Variants in F7 observed in about 807,000 individuals in gnomAD.
F7 encodes the protein FVII coagulation protein.
A neutral mutation model predicts 47.5 loss-of-function variants in F7; 38 were observed. The observed-to-expected ratio is 0.80, with a 90% CI of 0.62 to 1.05. The LOEUF is 1.05. Ranked by LOEUF, F7 falls within the 50% of genes least tolerant of loss-of-function variation. The pLI, the probability that F7 is intolerant of heterozygous loss-of-function variation, is 0.00. For missense variants in F7, 575 were observed against 605.4 expected, an observed-to-expected ratio of 0.95 and a Z score of 0.53; for synonymous variants, 244 against 258.5, an observed-to-expected ratio of 0.94 and a Z score of 0.54.
Position 113,113,418 on chromosome 13 carries a change from G to A in F7, c.226-334G>A, listed in dbSNP as rs1025395578. 2.0e-5 allele frequency among the ~76,000 whole-genome samples: 3 copies of A among 152,242 alleles called. No homozygotes were observed. The highest frequency in any genetic ancestry group is 4.4e-5 in the Non-Finnish European group (3 of 68,042). The stretch of plus-strand genomic sequence containing the variant: ...CTGCTACTGCACCCTCTCCCCGTAT[G>A]TGTGGCCACCCTGTCAGAGGTGGAG... On this transcript the variant is annotated intron_variant, in intron 2 of 7. Transcript: ENST00000346342. This position sits in a 1 kb window ranked among gnomAD's most constrained non-coding sequence, Gnocchi z 4.1.
intron 4 of F7, among the ~76,000 whole-genome samples, chr13:113,114,291 T>G (rs1273888854): frequency 6.6e-6 from 1 of 151,672 alleles, no homozygotes; most frequent in Non-Finnish European, 1.5e-5. Context: ...CTTGGTAAAC[T>G]TCCCCTTCTC....
Position 113,105,810 on chromosome 13 carries a change from A to G in F7, c.-32A>G, listed in dbSNP as rs761212787. ...CCCGTCAGTCCCATGGGGAATGTCAACAGGCAGGGGCAGCACTGCAGAGAT... is the reference window on the plus strand; with the variant it reads ...CCCGTCAGTCCCATGGGGAATGTCAGCAGGCAGGGGCAGCACTGCAGAGAT... On this transcript the variant is annotated 5_prime_UTR_variant, in exon 1 of 8. Transcript: ENST00000346342. The G allele has an allele frequency of 6.4e-7, 1 of 1,571,074 alleles. No homozygotes were observed. Among genetic ancestry groups the G allele is most frequent in the Admixed American group, 1.9e-5 (1 of 53,128 alleles).
rs1327372453 is a variant in F7 at position 113,115,809 on chromosome 13, G to A, written c.505+9G>A. On this transcript the variant is annotated intron_variant, in intron 5 of 7. Transcript: ENST00000346342. ...GTCCTGCACACCCACAGGTGACCAG[G>A]CTTCATGTCCCAGTCCCAGATGACA... 1.9e-6 allele frequency: 3 copies of A among 1,613,132 alleles called. No individual in the cohort carries two copies. The highest frequency in any genetic ancestry group is 2.2e-5 in the East Asian group (1 of 44,882).
chr13:113,109,988 C>T (rs957703052), intron 1 of F7, among the ~76,000 whole-genome samples: 11 of 152,206 alleles, frequency 7.2e-5, no homozygotes, highest in African/African-American at 2.2e-4. Context: ...CACAAGTAAC[C>T]GTCGGGGTTA....
At chr13:113,114,876 A>C (rs1441089899) in intron 4 of F7, 2 of 152,906 alleles carry the variant, frequency 1.3e-5, no homozygotes, top group Non-Finnish European at 2.9e-5. Flanking sequence ...TCTCTGGCAC[A>C]GCAGTTCATC....
rs779442604 is a variant in F7, at chr13:113,118,645, G to A, written c.972G>A (p.Gln324=). ...VRFSLVSGWG[Q]LLDRGATALE... is the part of the protein sequence containing the mutation. ...TCTCATTGGTCAGCGGCTGGGGCCAGCTGCTGGACCGTGGCGCCACGGCCC... is the reference window on the plus strand; with the variant it reads ...TCTCATTGGTCAGCGGCTGGGGCCAACTGCTGGACCGTGGCGCCACGGCCC... Residue 324 remains glutamine (Q), a synonymous_variant, in exon 8 of 8, where the codon CAG becomes CAA. Coordinates refer to ENST00000346342, the MANE Select transcript of F7 (RefSeq NM_019616.4). 6.2e-7 allele frequency: 1 copy of A among 1,612,970 alleles called. No individual in the cohort carries two copies. Among genetic ancestry groups the A allele is most frequent in the South Asian group, 1.1e-5 (1 of 91,078 alleles).
At chr13:113,111,403 ACACTCACAGGACACCTCACACT>A (rs1566907070) in intron 2 of F7, among the ~76,000 whole-genome samples, 3 of 101,852 alleles carry the variant, frequency 2.9e-5, no homozygotes, top group African/African-American at 1.8e-4. Flanking sequence ...AGGTCACCTC[ACACTCACAGGACACCTCACACT>A]CACAGGGCAC....
chr13:113,112,386 C>A (rs1246235933), intron 2 of F7, among the ~76,000 whole-genome samples: 1 of 149,476 alleles, frequency 6.7e-6, no homozygotes, highest in Non-Finnish European at 1.5e-5. Flanking sequence ...ACACAGGGCA[C>A]ACTTCACTCC....
chr13:113,117,443 G>T, intron 6 of F7, 30 bp from the exon 7 acceptor site: 1 of 1,611,852 alleles, frequency 6.2e-7, no homozygotes, highest in South Asian at 1.1e-5. Context: ...ACAGCAATGT[G>T]ACTTCCACAC....
chr13:113,112,090 A>T (rs1398160929), intron 2 of F7, among the ~76,000 whole-genome samples: 2 of 139,838 alleles, frequency 1.4e-5, no homozygotes, highest in African/African-American at 5.5e-5. Context: ...GTCACCTCAC[A>T]CTCACAGGAC....
Position 113,119,327 on chromosome 13 carries a change from C to A in F7, c.*319C>A. On this transcript the variant is annotated 3_prime_UTR_variant, in exon 8 of 8. Transcript: ENST00000346342. ...AGGGGCAGGGGAGTGCCAAGGTTGTCCTGGAGGCAGACAGCCCAGCTGAGC... is the reference window on the plus strand; with the variant it reads ...AGGGGCAGGGGAGTGCCAAGGTTGTACTGGAGGCAGACAGCCCAGCTGAGC... 1 of 385,842 alleles carries A rather than the reference C, an allele frequency of 2.6e-6. No individual in the cohort carries two copies. The highest frequency in any genetic ancestry group is 4.7e-6 in the Non-Finnish European group (1 of 211,338). 23.9% of individuals were successfully genotyped at this position (385,842 alleles called of 1,614,324 possible).
rs1344416538 is a variant in F7 at position 113,120,282 on chromosome 13, G to A, written c.*1274G>A. 6.6e-6 allele frequency: 1 copy of A among 152,268 alleles called. No individual in the cohort carries two copies. Among genetic ancestry groups the A allele is most frequent in the African/African-American group, 2.4e-5 (1 of 41,450 alleles). The allele number at this position is 152,268 out of a possible 1,614,324, so 9.4% of individuals were successfully genotyped here. On this transcript the variant is annotated 3_prime_UTR_variant, in exon 8 of 8. Coordinates refer to ENST00000346342, the MANE Select transcript of F7 (RefSeq NM_019616.4). ...TGGGAGCACCTGCTCAAGAGTCAGG[G>A]ACACACGCATCACTAAATGCAAGTT...
chr13:113,110,939 G>A (rs1201128118), intron 2 of F7, 89 bp downstream of exon 2: 3 of 1,411,084 alleles, frequency 2.1e-6, no homozygotes, highest in African/African-American at 3.0e-5. Flanking sequence ...CTCTTTGGCT[G>A]CGGCTGTGGG....
intron 4 of F7, among the ~76,000 whole-genome samples, chr13:113,114,239 C>G (rs1214453358): frequency 6.6e-6 from 1 of 152,200 alleles, no homozygotes; most frequent in Non-Finnish European, 1.5e-5. Context: ...CTGAGAGTCC[C>G]TGTGTCCCTG....
chr13:113,110,710 G>A lies in F7; in HGVS notation c.85G>A (p.Ala29Thr). 1 of 1,548,658 alleles carries A rather than the reference G, an allele frequency of 6.5e-7. No individual in the cohort carries two copies. Among genetic ancestry groups the A allele is most frequent in the Non-Finnish European group, 8.7e-7 (1 of 1,146,508 alleles). The change falls in exon 2 of 8, where the codon GCC becomes ACC. Residue 29 changes from alanine to threonine, a missense_variant. Physicochemically the swap from Ala to Thr is moderately conservative, Grantham distance 58. Transcript: ENST00000346342. ...CCCAGTCTTCGTAACCCAGGAGGAAGCCCACGGCGTCCTGCACCGGCGCCG... is the reference window on the plus strand; with the variant it reads ...CCCAGTCTTCGTAACCCAGGAGGAAACCCACGGCGTCCTGCACCGGCGCCG... ...LAAVFVTQEE[A>T]HGVLHRRRRA... is the part of the protein sequence containing the mutation.
At position 113,116,679 on chromosome 13, in the gene F7, TCA is replaced by T. The variant is rs1399503165; in HGVS notation, c.506-86_506-85del. On this transcript the variant is annotated intron_variant, in intron 5 of 7. Coordinates refer to ENST00000346342, the MANE Select transcript of F7 (RefSeq NM_019616.4). ...CCCATAGCCTCGGCCTCAAGGCCTC[TCA>T]GAGGATGGGTGTTTCTGAATCTTTC... 3 of 1,123,192 alleles carry T rather than the reference TCA, an allele frequency of 2.7e-6. No homozygotes were observed. The East Asian group carries it at 7.1e-5, about 27-fold the overall frequency. The allele number at this position is 1,123,192 out of a possible 1,614,324, so 69.6% of individuals were successfully genotyped here.
chr13:113,106,734 G>C, intron 1 of F7: 1 of 1,000,228 alleles, frequency 1.0e-6, no homozygotes, highest in South Asian at 1.4e-5. Flanking sequence ...TGGGGATGGC[G>C]TGTGGGGATG....
intron 2 of F7, 128 bp downstream of exon 2, chr13:113,110,978 C>A: frequency 3.5e-6 from 4 of 1,128,168 alleles, no homozygotes; most frequent in Non-Finnish European, 2.4e-6. Context: ...GCCCGCGCGG[C>A]GCTTTCTGCG....
chr13:113,105,941 GA>G, intron 1 of F7, 36 bp downstream of exon 1: 1 of 1,550,056 alleles, frequency 6.5e-7, no homozygotes. Flanking sequence ...AAACTTGGTG[GA>G]AGGGCAGTGG....
Sources: allele counts gnomAD v4.1 joint callset (sites outside exome capture counted in the v4.1 genomes callset), GRCh38; gene constraint gnomAD v4.1.1; non-coding constraint Gnocchi (gnomAD v3.1); transcripts MANE v1.5; gene names NCBI Gene and HGNC (gene_info 2026-07-23, HGNC 2026-07-21).